The following MYO9B variants were observed in gnomAD, a reference collection of about 807,000 sequenced individuals.
MYO9B encodes unconventional myosin-IXb.
A neutral mutation model predicts 229.5 loss-of-function variants in MYO9B; 71 were observed. The ratio of observed to expected loss-of-function variants is 0.31; its 90% confidence interval spans 0.26 to 0.38. MYO9B has a LOEUF of 0.38. Ranked by LOEUF, MYO9B falls within the 10% of genes least tolerant of loss-of-function variation. MYO9B has a pLI of 1.00. For synonymous variants in MYO9B, 1,185 were observed against 1,235.8 expected (o/e 0.96, Z 0.86); for missense variants, 2,255 against 2,920.5 (o/e 0.77, Z 5.25).
chr19:17,090,723 G>A (rs2057629838), intron 1 of MYO9B, among the ~76,000 whole-genome samples: 1 of 152,166 alleles, frequency 6.6e-6, no homozygotes, highest in South Asian at 2.1e-4. Context: ...TAGAGCGGGT[G>A]TGTTAGCCTT....
intron 1 of MYO9B, among the ~76,000 whole-genome samples, chr19:17,080,173 G>C (rs1031303325): frequency 4.6e-5 from 7 of 152,166 alleles, no homozygotes; most frequent in African/African-American, 1.7e-4. Flanking sequence ...ACCCATCTCT[G>C]CCCTGCTGCA....
intron 2 of MYO9B, among the ~76,000 whole-genome samples, chr19:17,129,970 C>G (rs1341292105): frequency 6.6e-6 from 1 of 152,084 alleles, no homozygotes; most frequent in Non-Finnish European, 1.5e-5. Context: ...TGTGTACCAC[C>G]AGACCTGGTG....
intron 2 of MYO9B, among the ~76,000 whole-genome samples, chr19:17,133,830 G>A (rs987601571): frequency 2.0e-5 from 3 of 151,758 alleles, no homozygotes; most frequent in Non-Finnish European, 2.9e-5. Flanking sequence ...GCACCATCTC[G>A]GCTCACTGCA....
Position 17,212,659 on chromosome 19 carries a change from G to T in MYO9B, c.*349G>T, listed in dbSNP as rs1362805530. 1 of 272,270 alleles carries T rather than the reference G, an allele frequency of 3.7e-6. No individual in the cohort carries two copies. Among genetic ancestry groups the T allele is most frequent in the Non-Finnish European group, 6.9e-6 (1 of 145,834 alleles). The allele number at this position is 272,270 out of a possible 1,614,324, so 16.9% of individuals were successfully genotyped here. On this transcript the variant is annotated 3_prime_UTR_variant, in exon 40 of 40. Coordinates refer to ENST00000682292, the MANE Select transcript of MYO9B (RefSeq NM_004145.4). This position sits in a 1 kb window ranked among gnomAD's most constrained non-coding sequence, Gnocchi z 5.4. ...AACAGCCTTAATGGAAGACCAAATG[G>T]TTTTTTATATGTGTATGTACAAAGT...
At chr19:17,200,098 C>T (rs2073090803) in intron 24 of MYO9B, among the ~76,000 whole-genome samples, 195 bp from the exon 25 acceptor site, 1 of 152,122 alleles carries the variant, frequency 6.6e-6, no homozygotes, top group Non-Finnish European at 1.5e-5. Flanking sequence ...GTCTCAAACT[C>T]CTGACCTCAG....
At chr19:17,145,275 A>G in intron 2 of MYO9B, 122 bp from the exon 3 acceptor site, 2 of 958,514 alleles carry the variant, frequency 2.1e-6, no homozygotes, top group Non-Finnish European at 3.1e-6. Flanking sequence ...GACTGTCTCC[A>G]AGAGAAAAAA....
At chr19:17,079,881 C>T (rs1428854935) in intron 1 of MYO9B, among the ~76,000 whole-genome samples, 3 of 152,192 alleles carry the variant, frequency 2.0e-5, no homozygotes, top group Admixed American at 6.5e-5. Context: ...CTTCTGCCCT[C>T]GTGGTCCCTG....
intron 1 of MYO9B, among the ~76,000 whole-genome samples, chr19:17,083,256 C>A (rs1049944882): frequency 6.6e-6 from 1 of 152,098 alleles, no homozygotes; most frequent in Non-Finnish European, 1.5e-5. Flanking sequence ...GTCTTGAACT[C>A]CTGGGCTCAA....
chr19:17,178,381 T>C (rs544491701), intron 14 of MYO9B: 4 of 150,996 alleles, frequency 2.6e-5, no homozygotes, highest in South Asian at 2.0e-4. Flanking sequence ...AGCCGGAGGA[T>C]CACTTGAGGC....
chr19:17,194,306 AG>A (rs1336186141), intron 21 of MYO9B, among the ~76,000 whole-genome samples: 3 of 152,188 alleles, frequency 2.0e-5, no homozygotes, highest in Admixed American at 6.5e-5. Context: ...AGCCCCAACA[AG>A]GGTCCTCTCC....
At chr19:17,196,159 TGG>T (rs2073040685) in intron 22 of MYO9B, among the ~76,000 whole-genome samples, 1 of 11,074 alleles carries the variant, frequency 9.0e-5, no homozygotes, top group African/African-American at 3.2e-4. Context: ...GGTGGGTGGG[TGG>T]GTGGATGGAT....
Position 17,181,250 on chromosome 19 carries a change from A to G in MYO9B, c.2333+210A>G, listed in dbSNP as rs375963518. 3.5e-4 allele frequency among the ~76,000 whole-genome samples: 53 copies of G among 152,322 alleles called. 1 individual carries two copies. The highest frequency in any genetic ancestry group is 1.1e-3 in the African/African-American group (46 of 41,564). On this transcript the variant is annotated intron_variant, in intron 15 of 39. Coordinates refer to ENST00000682292, the MANE Select transcript of MYO9B (RefSeq NM_004145.4). Reference sequence around the variant, plus strand: ...GTGGCCCAGGCACAGCCGGCTTCCCAGCACACGGGGCAGCTTCCCAGGAGC... The same window carrying G: ...GTGGCCCAGGCACAGCCGGCTTCCCGGCACACGGGGCAGCTTCCCAGGAGC...
intron 3 of MYO9B, 115 bp downstream of exon 3, chr19:17,145,606 G>A: frequency 1.1e-6 from 1 of 917,160 alleles, no homozygotes; most frequent in Non-Finnish European, 1.8e-6. Context: ...TTTATGCTTT[G>A]TATGGGAGAG....
At chr19:17,154,545 C>T (rs1252382549) in intron 6 of MYO9B, 130 bp downstream of exon 6, 2 of 614,490 alleles carry the variant, frequency 3.3e-6, no homozygotes, top group Non-Finnish European at 5.5e-6. Flanking sequence ...ACAGTGCCGC[C>T]ATAGGGAGTG....
At chr19:17,130,631 AAAATT>A (rs1381321538) in intron 2 of MYO9B, among the ~76,000 whole-genome samples, 2 of 151,912 alleles carry the variant, frequency 1.3e-5, no homozygotes, top group Non-Finnish European at 2.9e-5. Context: ...AAAAAAAAAA[AAAATT>A]AACCAGGCAT....
rs1313096252 is a variant in MYO9B at position 17,202,279 on chromosome 19, C to T, written c.4812C>T (p.Thr1604=). The T allele has an allele frequency of 5.1e-6, 8 of 1,575,184 alleles. No homozygotes were observed. Among genetic ancestry groups the T allele is most frequent in the Admixed American group, 1.9e-5 (1 of 52,600 alleles). The change falls in exon 28 of 40, where the codon ACC becomes ACT. Residue 1604 remains threonine, a synonymous_variant. Transcript: ENST00000682292. ...TAGATGAGTTCACCCGTGGCTACAC[C>T]AAGAACGACTTCGAGCCAGTGAAGG... ...SLLDEFTRGY[T]KNDFEPVKQS...
At chr19:17,167,803 G>C (rs1190898148) in intron 10 of MYO9B, 140 bp from the exon 11 acceptor site, 2 of 1,111,018 alleles carry the variant, frequency 1.8e-6, no homozygotes, top group African/African-American at 3.2e-5. Context: ...TTTAAGCCAC[G>C]CATCAGTTTA....
chr19:17,173,546 C>T lies in MYO9B; in HGVS notation c.2140+583C>T, dbSNP rs185753705. ...CTCGAACTCCTGACCTCAAGTGATC[C>T]GCCCGCCTCTGACTCATGAAATGCT... On this transcript the variant is annotated intron_variant, in intron 13 of 39. Transcript: ENST00000682292. Among the ~76,000 whole-genome samples the T allele has an allele frequency of 7.9e-5, 12 of 152,056 alleles. No individual in the cohort carries two copies. In the East Asian group the frequency reaches 2.3e-3, roughly 29 times the overall value.
rs547622089 is a variant in MYO9B at position 17,138,666 on chromosome 19, G to A, written c.841-6731G>A. ...GGTCAGCCAGTGTCTTAATCTGTTC[G>A]GGCTACTGTCACAGAATATGGTTAC... On this transcript the variant is annotated intron_variant, in intron 2 of 39. Transcript: ENST00000682292. Among the ~76,000 whole-genome samples, 3 of 152,222 alleles carry A rather than the reference G, an allele frequency of 2.0e-5. No homozygotes were observed. In the East Asian group the frequency reaches 5.8e-4, roughly 29 times the overall value.
Sources: gnomAD v4.1 joint callset for allele counts (sites outside exome capture counted in the v4.1 genomes callset) on GRCh38, gnomAD v4.1.1 for gene constraint, Gnocchi (gnomAD v3.1) non-coding constraint, MANE v1.5 for transcripts, NCBI Gene and HGNC (gene_info 2026-07-23, HGNC 2026-07-21) for gene names.